TENM3: variants seen among roughly 807,000 people sequenced by gnomAD.
The protein encoded by TENM3 is teneurin transmembrane protein 3, also known as teneurin-3.
In TENM3, 63 loss-of-function variants were observed where a neutral mutation model predicts 255.1. The observed-to-expected ratio is 0.25, with a 90% CI of 0.20 to 0.30. The LOEUF (loss-of-function observed/expected upper bound fraction) is 0.30, where lower values mean the gene tolerates loss of function less well. TENM3 is among the 10% of genes least tolerant of loss of function. TENM3 has a pLI of 1.00. For synonymous variants in TENM3, 1,306 were observed against 1,322.3 expected, an observed-to-expected ratio of 0.99 and a Z score of 0.27; for missense variants, 2,929 against 3,461.1, an observed-to-expected ratio of 0.85 and a Z score of 3.86.
At chr4:181,695,577 G>T in the TENM3 span, among the ~76,000 whole-genome samples, 1 of 152,070 alleles carries the variant, frequency 6.6e-6, no homozygotes, top group African/African-American at 2.4e-5. Flanking sequence ...CTACTATGTG[G>T]TTGAGTGTGA....
intron 1 of TENM3, among the ~76,000 whole-genome samples, chr4:182,295,331 G>T (rs184336726): frequency 7.2e-6 from 1 of 138,834 alleles, no homozygotes; most frequent in Admixed American, 7.9e-5. Flanking sequence ...GCAGTGATGC[G>T]ATCTCGGCTC....
intron 18 of TENM3, among the ~76,000 whole-genome samples, chr4:182,739,449 A>C (rs981727781): frequency 1.3e-5 from 2 of 152,172 alleles, no homozygotes; most frequent in African/African-American, 2.4e-5. Flanking sequence ...ATCCTGTCCT[A>C]CACCATATCA....
chr4:181,546,727 A>AAG, the TENM3 span, among the ~76,000 whole-genome samples: 5 of 117,910 alleles, frequency 4.2e-5, no homozygotes, highest in African/African-American at 9.8e-5. Context: ...AAAAAAAAAA[A>AAG]AAGAAGAAGA....
At chr4:181,812,219 C>T in the TENM3 span, among the ~76,000 whole-genome samples, 1 of 152,310 alleles carries the variant, frequency 6.6e-6, no homozygotes, top group East Asian at 1.9e-4. Context: ...TGTAACAACG[C>T]TAACTAAACT....
chr4:182,246,959 G>T (rs1276617188), intron 1 of TENM3, among the ~76,000 whole-genome samples: 3 of 152,228 alleles, frequency 2.0e-5, no homozygotes, highest in Non-Finnish European at 2.9e-5. Context: ...CACGAGGGAT[G>T]CCTCTCTGCG....
intron 3 of TENM3, among the ~76,000 whole-genome samples, chr4:182,542,217 C>T (rs1740953569): frequency 6.6e-6 from 1 of 152,162 alleles, no homozygotes; most frequent in Admixed American, 6.5e-5. Flanking sequence ...TTGTGCCTCA[C>T]ATCATGCCAG....
At chr4:182,269,364 G>T (rs1295592628) in intron 1 of TENM3, among the ~76,000 whole-genome samples, 1 of 152,158 alleles carries the variant, frequency 6.6e-6, no homozygotes, top group Non-Finnish European at 1.5e-5. Flanking sequence ...ATAGCAAAAT[G>T]ATTTATTTTT....
the TENM3 span, among the ~76,000 whole-genome samples, chr4:181,987,465 T>G: frequency 6.6e-6 from 1 of 152,122 alleles, no homozygotes; most frequent in Non-Finnish European, 1.5e-5. Flanking sequence ...GGCTTCCCAG[T>G]TTCTCTGGAT....
chr4:182,019,096 G>T, the TENM3 span, among the ~76,000 whole-genome samples: 13 of 152,308 alleles, frequency 8.5e-5, no homozygotes, highest in South Asian at 2.3e-3. Context: ...TGGTTACCTG[G>T]TGAGCAATAA....
intron 5 of TENM3, among the ~76,000 whole-genome samples, chr4:182,633,477 G>C (rs567486633): frequency 1.3e-5 from 2 of 152,334 alleles, no homozygotes; most frequent in South Asian, 4.1e-4. Flanking sequence ...TTTTGCTGTA[G>C]ATTTGGGGGA....
At chr4:182,623,479 T>TTTTGTTTG (rs140826051) in intron 4 of TENM3, among the ~76,000 whole-genome samples, 2 of 149,822 alleles carry the variant, frequency 1.3e-5, no homozygotes, top group Admixed American at 6.7e-5. Context: ...ATTTTTTGTA[T>TTTTGTTTG]TTTGTTTGTT....
the TENM3 span, among the ~76,000 whole-genome samples, chr4:181,849,874 T>C: frequency 4.0e-5 from 6 of 151,866 alleles, no homozygotes; most frequent in Admixed American, 2.6e-4. Flanking sequence ...TAGCTAGGCA[T>C]GGCTGCTATG....
At chr4:181,631,375 C>T in the TENM3 span, among the ~76,000 whole-genome samples, 22 of 152,192 alleles carry the variant, frequency 1.4e-4, no homozygotes, top group African/African-American at 2.2e-4. Context: ...CCGTAACCTC[C>T]GCCTCCCAGG....
chr4:182,597,594 C>A (rs2152404230), intron 3 of TENM3, among the ~76,000 whole-genome samples: 1 of 152,156 alleles, frequency 6.6e-6, no homozygotes. Context: ...ATTTGTGTTC[C>A]TCTTTAAAAA....
At chr4:181,881,273 TTA>T in the TENM3 span, among the ~76,000 whole-genome samples, 9 of 152,114 alleles carry the variant, frequency 5.9e-5, no homozygotes, top group African/African-American at 2.2e-4. Context: ...ACTCAATCAA[TTA>T]TGTTACTTCT....
the TENM3 span, among the ~76,000 whole-genome samples, chr4:181,537,928 G>A: frequency 6.6e-6 from 1 of 152,148 alleles, no homozygotes; most frequent in Non-Finnish European, 1.5e-5. Flanking sequence ...CTTGAAATAT[G>A]CTTTTCTTTG....
At chr4:181,953,686 G>GA in the TENM3 span, among the ~76,000 whole-genome samples, 1 of 151,144 alleles carries the variant, frequency 6.6e-6, no homozygotes. Flanking sequence ...TCTCAAAAAA[G>GA]AAAAAAAGAA....
At chr4:182,416,821 C>G (rs1770395946) in intron 3 of TENM3, among the ~76,000 whole-genome samples, 1 of 152,206 alleles carries the variant, frequency 6.6e-6, no homozygotes. Context: ...AAACCTGCAA[C>G]AGAGTGCTTT....
At chr4:182,567,391 T>A (rs1373909392) in intron 3 of TENM3, among the ~76,000 whole-genome samples, 1 of 152,172 alleles carries the variant, frequency 6.6e-6, no homozygotes, top group Non-Finnish European at 1.5e-5. Context: ...GTTCTCAACA[T>A]AGGCCAGAGC....
Sources: allele counts gnomAD v4.1 joint callset (sites outside exome capture counted in the v4.1 genomes callset), GRCh38; gene constraint gnomAD v4.1.1; transcripts MANE v1.5; gene names NCBI Gene and HGNC (gene_info 2026-07-23, HGNC 2026-07-21).